RPP25: variants seen among roughly 807,000 people sequenced by gnomAD.
RPP25 encodes ribonuclease P/MRP subunit p25, also known as ribonuclease P protein subunit p25.
In RPP25, 2 loss-of-function variants were observed where a neutral mutation model predicts 4.4. That is an observed-to-expected ratio of 0.45 (90% CI 0.19 to 1.43). RPP25 has a LOEUF of 1.43. Among genes scored for constraint, RPP25 ranks in the 40% most tolerant of loss-of-function variants. The pLI is 0.26. For missense variants in RPP25, 319 were observed against 293.8 expected (o/e 1.09, Z -0.63); for synonymous variants, 144 against 136.2 (o/e 1.06, Z -0.40).
Position 74,956,562 on chromosome 15 carries a change from G to T in RPP25, c.22C>A (p.Arg8Ser). Residue 8 changes from arginine to serine, a missense_variant, in exon 1 of 1, where the codon CGC becomes AGC. Physicochemically the swap from Arg to Ser is moderately radical, Grantham distance 110. Transcript: ENST00000322177. ...CACCCCGCTGGCGCCTCTTCGGAGC[G>T]CACCTTACGGAAGTTCTCCATGCGC... MENFRKVRSEEAPAGCGA... is the reference protein window; with the variant it reads MENFRKVSSEEAPAGCGA... 3 of 1,500,758 alleles carry T rather than the reference G, an allele frequency of 2.0e-6. No homozygotes were observed. Among genetic ancestry groups the T allele is most frequent in the Non-Finnish European group, 2.6e-6 (3 of 1,133,996 alleles). 93.0% of individuals were successfully genotyped at this position (1,500,758 alleles called of 1,614,324 possible).
Position 74,955,898 on chromosome 15 carries a change from C to A in RPP25, c.*86G>T. On this transcript the variant is annotated 3_prime_UTR_variant, in exon 1 of 1. Coordinates refer to ENST00000322177, the MANE Select transcript of RPP25 (RefSeq NM_017793.3). ...GTCCAGGTTGTGGGCTCCGGAGGAC[C>A]GAGGAGTGAAAGGCTGGAGGTACAT... is the stretch of plus-strand genomic sequence containing the variant. 6.5e-7 allele frequency: 1 copy of A among 1,549,264 alleles called. No individual in the cohort carries two copies. Among genetic ancestry groups the A allele is most frequent in the Non-Finnish European group, 8.7e-7 (1 of 1,145,350 alleles).
Position 74,956,255 on chromosome 15 carries a change from G to A in RPP25, c.329C>T (p.Pro110Leu), listed in dbSNP as rs1158232310. 3 of 1,580,226 alleles carry A rather than the reference G, an allele frequency of 1.9e-6. No homozygotes were observed. The highest frequency in any genetic ancestry group is 2.3e-5 in the East Asian group (1 of 43,522). Residue 110 changes from proline (P) to leucine (L), a missense_variant, in exon 1 of 1, where the codon CCG becomes CTG. Transcript: ENST00000322177. ...CGTCTGACCCTGCGTGGGCCCAGGC[G>A]GGAGGCTCTGCCACACCTCGCGTAC... ...RSVREVWQSL[P>L]PGPTQGQTPG... is the part of the protein sequence containing the mutation.
At position 74,956,713 on chromosome 15, in the gene RPP25, C is replaced by G; in HGVS notation, c.-130G>C. 9.3e-7 allele frequency: 1 copy of G among 1,076,378 alleles called. No individual in the cohort carries two copies. The allele number at this position is 1,076,378 out of a possible 1,614,324, so 66.7% of individuals were successfully genotyped here. A position where few individuals can be genotyped will look rare whatever the true frequency, so the allele number is the denominator to read the frequency against. On this transcript the variant is annotated 5_prime_UTR_variant, in exon 1 of 1. Transcript: ENST00000322177. ...CCGGAGCAGCGCAGACGCCGGCGGG[C>G]GGGCTGGGACGGCGCGATCTCGGCC...
At position 74,955,063 on chromosome 15, in the gene RPP25, C is replaced by A. The variant is rs981990137; in HGVS notation, c.*921G>T. ...CGATGTACAGGGGTACACGGGCCCC[C>A]ATTTGCAACAGCCTCTGAGGCCAGG... On this transcript the variant is annotated 3_prime_UTR_variant, in exon 1 of 1. Transcript: ENST00000322177. The A allele has an allele frequency of 7.9e-5, 12 of 152,558 alleles. No homozygotes were observed. The highest frequency in any genetic ancestry group is 2.9e-5 in the Non-Finnish European group (2 of 68,314). The allele number at this position is 152,558 out of a possible 1,614,324, so 9.5% of individuals were successfully genotyped here.
rs1022204244 is a variant in RPP25 at position 74,955,937 on chromosome 15, C to T, written c.*47G>A. The T allele has an allele frequency of 6.2e-7, 1 of 1,607,330 alleles. No individual in the cohort carries two copies. Among genetic ancestry groups the T allele is most frequent in the Non-Finnish European group, 8.5e-7 (1 of 1,177,960 alleles). ...CTGGAGGTACATCTGAAGGTGGAGG[C>T]GCTGGCGGAAGATCCTGCCGGACTA... On this transcript the variant is annotated 3_prime_UTR_variant, in exon 1 of 1. Coordinates refer to ENST00000322177, the MANE Select transcript of RPP25 (RefSeq NM_017793.3).
chr15:74,955,746 G>A lies in RPP25; in HGVS notation c.*238C>T. On this transcript the variant is annotated 3_prime_UTR_variant, in exon 1 of 1. Transcript: ENST00000322177. The stretch of plus-strand genomic sequence containing the variant: ...AAAAGGTGAAGTTCCGTGTCTTCAC[G>A]CAACACGGGCATAAGCAGCAATTAT... 1.8e-6 allele frequency: 1 copy of A among 562,290 alleles called. No homozygotes were observed. The highest frequency in any genetic ancestry group is 3.1e-6 in the Non-Finnish European group (1 of 320,224). The allele number at this position is 562,290 out of a possible 1,614,324, so 34.8% of individuals were successfully genotyped here.
At position 74,956,407 on chromosome 15, in the gene RPP25, C is replaced by A; in HGVS notation, c.177G>T (p.Gln59His). The A allele has an allele frequency of 6.2e-7, 1 of 1,601,746 alleles. No homozygotes were observed. Among genetic ancestry groups the A allele is most frequent in the Admixed American group, 1.7e-5 (1 of 58,844 alleles). The change falls in exon 1 of 1, where the codon CAG (glutamine) becomes CAT (histidine). Residue 59 changes from glutamine (Q) to histidine (H), a missense_variant. Coordinates refer to ENST00000322177, the MANE Select transcript of RPP25 (RefSeq NM_017793.3). ...LMAFATASMA[Q>H]PATRAIVFSG... ...TGAAGACGATGGCGCGCGTGGCTGGCTGCGCCATGCTGGCGGTGGCGAAGG... is the reference window on the plus strand; with the variant it reads ...TGAAGACGATGGCGCGCGTGGCTGGATGCGCCATGCTGGCGGTGGCGAAGG...
At position 74,955,803 on chromosome 15, in the gene RPP25, C is replaced by A. The variant is rs1003254880; in HGVS notation, c.*181G>T. ...AAGTTTCCCTAGGGTGGTCGGGGAT[C>A]CTCTCCTGCCACTCCTGGGGCCCCT... is the stretch of plus-strand genomic sequence containing the variant. On this transcript the variant is annotated 3_prime_UTR_variant, in exon 1 of 1. Coordinates refer to ENST00000322177, the MANE Select transcript of RPP25 (RefSeq NM_017793.3). 36 of 745,728 alleles carry A rather than the reference C, an allele frequency of 4.8e-5. No individual in the cohort carries two copies. In the African/African-American group the frequency reaches 6.2e-4, roughly 13 times the overall value. The allele number at this position is 745,728 out of a possible 1,614,324, so 46.2% of individuals were successfully genotyped here.
rs2065464522 is a variant in RPP25, at chr15:74,955,535, AC to A, written c.*448del. 1 of 174,070 alleles carries A rather than the reference AC, an allele frequency of 5.7e-6. No individual in the cohort carries two copies. The highest frequency in any genetic ancestry group is 1.1e-4 in the South Asian group (1 of 8,848). 10.8% of individuals were successfully genotyped at this position (174,070 alleles called of 1,614,324 possible). A position where few individuals can be genotyped will look rare whatever the true frequency, so the allele number is the denominator to read the frequency against. ...GGGCCCCCACATCTCAGACTCTCCT[AC>A]CCTCAAGCAGTTAATTCTCACCCCC... is the stretch of plus-strand genomic sequence containing the variant. On this transcript the variant is annotated 3_prime_UTR_variant, in exon 1 of 1. Transcript: ENST00000322177.
In RPP25 at chr15:74,956,569, A is replaced by G; in HGVS notation, c.15T>C (p.Arg5=). 6.8e-7 allele frequency: 1 copy of G among 1,480,934 alleles called. No individual in the cohort carries two copies. The highest frequency in any genetic ancestry group is 8.9e-7 in the Non-Finnish European group (1 of 1,124,602). The allele number at this position is 1,480,934 out of a possible 1,614,324, so 91.7% of individuals were successfully genotyped here. Residue 5 remains arginine, a synonymous_variant, in exon 1 of 1, where the codon CGT becomes CGC. Transcript: ENST00000322177. MENF[R]KVRSEEAPAG... is the part of the protein sequence containing the mutation. The stretch of plus-strand genomic sequence containing the variant: ...CTGGCGCCTCTTCGGAGCGCACCTT[A>G]CGGAAGTTCTCCATGCGCCGTCGTC...
At position 74,956,060 on chromosome 15, in the gene RPP25, T is replaced by C; in HGVS notation, c.524A>G (p.Glu175Gly). The change falls in exon 1 of 1, where the codon GAA becomes GGA. Residue 175 changes from glutamate to glycine, a missense_variant. Glu to Gly is a moderately conservative substitution (Grantham distance 98). Transcript: ENST00000322177. ...CGCGGAGCCTTCTCCAGCTGCGGGT[T>C]CCCCTAGGCTCCTCTTGGACGCTGG... Reference protein sequence around the residue: ...AAPASKRSLGEPAAGEGSAKR... With the variant: ...AAPASKRSLGGPAAGEGSAKR... 6.2e-7 allele frequency: 1 copy of C among 1,611,090 alleles called. No homozygotes were observed. The highest frequency in any genetic ancestry group is 8.5e-7 in the Non-Finnish European group (1 of 1,179,336).
chr15:74,955,975 T>A lies in RPP25; in HGVS notation c.*9A>T. The A allele has an allele frequency of 6.2e-7, 1 of 1,612,540 alleles. No individual in the cohort carries two copies. The highest frequency in any genetic ancestry group is 8.5e-7 in the Non-Finnish European group (1 of 1,179,826). ...TCCTGCCGGACTAGGTGGCCCACAG[T>A]CCGGAGTTTCAGGCCGTCTGATCCT... On this transcript the variant is annotated 3_prime_UTR_variant, in exon 1 of 1. Transcript: ENST00000322177.
Position 74,956,077 on chromosome 15 carries a change from G to C in RPP25, c.507C>G (p.Ser169=). 1 of 1,610,786 alleles carries C rather than the reference G, an allele frequency of 6.2e-7. No individual in the cohort carries two copies. The highest frequency in any genetic ancestry group is 8.5e-7 in the Non-Finnish European group (1 of 1,179,186). ...CTGCGGGTTCCCCTAGGCTCCTCTT[G>C]GACGCTGGCGCGGCTGGCGGGGACG... ...GPSSPPAAPA[S]KRSLGEPAAG... is the part of the protein sequence containing the mutation. Residue 169 remains serine (S), a synonymous_variant, in exon 1 of 1, where the codon TCC becomes TCG. Transcript: ENST00000322177.
chr15:74,956,388 C>A lies in RPP25; in HGVS notation c.196G>T (p.Val66Phe), dbSNP rs1212785431. ...GTGGCCCGGCCGCAGCCGCTGAAGACGATGGCGCGCGTGGCTGGCTGCGCC... is the reference window on the plus strand; with the variant it reads ...GTGGCCCGGCCGCAGCCGCTGAAGAAGATGGCGCGCGTGGCTGGCTGCGCC... ...SMAQPATRAI[V>F]FSGCGRATTK... Residue 66 changes from valine to phenylalanine, a missense_variant, in exon 1 of 1, where the codon GTC becomes TTC. By Grantham distance (50) the Val-to-Phe change is conservative. Coordinates refer to ENST00000322177, the MANE Select transcript of RPP25 (RefSeq NM_017793.3). The A allele has an allele frequency of 1.9e-6, 3 of 1,604,174 alleles. No individual in the cohort carries two copies. The highest frequency in any genetic ancestry group is 3.4e-5 in the Admixed American group (2 of 59,626).
Position 74,956,466 on chromosome 15 carries a change from C to T in RPP25, c.118G>A (p.Val40Ile), listed in dbSNP as rs778333088. ...DLAPGAVHMRVKEGSKIRNLM... is the reference protein window; with the variant it reads ...DLAPGAVHMRIKEGSKIRNLM... ...TTCCGGATCTTGCTGCCTTCCTTGA[C>T]CCGCATGTGCACCGCGCCCGGCGCC... The change falls in exon 1 of 1, where the codon GTC (valine) becomes ATC (isoleucine). Residue 40 changes from valine (V) to isoleucine (I), a missense_variant. Physicochemically the swap from Val to Ile is conservative, Grantham distance 29. Coordinates refer to ENST00000322177, the MANE Select transcript of RPP25 (RefSeq NM_017793.3). 2 of 1,567,236 alleles carry T rather than the reference C, an allele frequency of 1.3e-6. No individual in the cohort carries two copies. The highest frequency in any genetic ancestry group is 1.7e-6 in the Non-Finnish European group (2 of 1,159,284).
rs1327918508 is a variant in RPP25, at chr15:74,956,350, G to C, written c.234C>G (p.Val78=). Residue 78 remains valine, a synonymous_variant, in exon 1 of 1, where the codon GTC becomes GTG. Transcript: ENST00000322177. ...SGCGRATTKT[V]TCAEILKRRL... is the part of the protein sequence containing the mutation. ...GGCGCTTGAGGATCTCGGCGCACGT[G>C]ACGGTTTTGGTGGTGGCCCGGCCGC... The C allele has an allele frequency of 7.4e-5, 119 of 1,602,248 alleles. No homozygotes were observed. Among genetic ancestry groups the C allele is most frequent in the Non-Finnish European group, 9.9e-5 (117 of 1,178,540 alleles).
At position 74,956,396 on chromosome 15, in the gene RPP25, C is replaced by CG; in HGVS notation, c.187dup (p.Arg63ProfsTer63). On this transcript the variant is annotated frameshift_variant, in exon 1 of 1. Coordinates refer to ENST00000322177, the MANE Select transcript of RPP25 (RefSeq NM_017793.3). LOFTEE classifies it high-confidence loss of function. Reference sequence around the variant, plus strand: ...GCCGCAGCCGCTGAAGACGATGGCGCGCGTGGCTGGCTGCGCCATGCTGGC... The same window carrying CG: ...GCCGCAGCCGCTGAAGACGATGGCGCGGCGTGGCTGGCTGCGCCATGCTGGC... 6.2e-7 allele frequency: 1 copy of CG among 1,603,812 alleles called. No individual in the cohort carries two copies. The highest frequency in any genetic ancestry group is 8.5e-7 in the Non-Finnish European group (1 of 1,178,166).
In RPP25 at chr15:74,956,094, G is replaced by A. The variant is rs1257505321; in HGVS notation, c.490C>T (p.Pro164Ser). Residue 164 changes from proline (P) to serine (S), a missense_variant, in exon 1 of 1, where the codon CCA (proline) becomes TCA (serine). Pro to Ser is a moderately conservative substitution (Grantham distance 74). Transcript: ENST00000322177. ...PNPHPGPSSP[P>S]AAPASKRSLG... ...CTCCTCTTGGACGCTGGCGCGGCTGGCGGGGACGAGGGACCAGGATGGGGA... is the reference window on the plus strand; with the variant it reads ...CTCCTCTTGGACGCTGGCGCGGCTGACGGGGACGAGGGACCAGGATGGGGA... The A allele has an allele frequency of 1.2e-6, 2 of 1,609,616 alleles. No homozygotes were observed. The highest frequency in any genetic ancestry group is 1.7e-6 in the Non-Finnish European group (2 of 1,178,854).
rs758227368 is a variant in RPP25 at position 74,956,101 on chromosome 15, C to G, written c.483G>C (p.Ser161=). The G allele has an allele frequency of 2.5e-6, 4 of 1,609,040 alleles. No individual in the cohort carries two copies. The East Asian group carries it at 9.0e-5, about 36-fold the overall frequency. ...TGGACGCTGGCGCGGCTGGCGGGGA[C>G]GAGGGACCAGGATGGGGATTCGGGG... ...YQPPNPHPGP[S]SPPAAPASKR... is the part of the protein sequence containing the mutation. Residue 161 remains serine (S), a synonymous_variant, in exon 1 of 1, where the codon TCG becomes TCC. Transcript: ENST00000322177.
Sources: gnomAD v4.1 joint callset for allele counts on GRCh38, gnomAD v4.1.1 for gene constraint, MANE v1.5 for transcripts, NCBI Gene and HGNC (gene_info 2026-07-23, HGNC 2026-07-21) for gene names.